The following UBR1 variants were observed in gnomAD, a reference collection of about 807,000 sequenced individuals.
The protein encoded by UBR1 is E3 ubiquitin-protein ligase UBR1.
UBR1 carries 102 observed loss-of-function variants against 242.1 expected under a neutral mutation model. That is an observed-to-expected ratio of 0.42 (90% confidence interval 0.36 to 0.50). The LOEUF is 0.50. UBR1 is among the 20% of genes least tolerant of loss of function. UBR1 has a pLI of 0.01. For missense variants in UBR1, 1,772 were observed against 2,101.8 expected (o/e 0.84, Z 3.07); for synonymous variants, 675 against 684.8 (o/e 0.99, Z 0.22).
At chr15:43,027,655 T>A (rs2033194985) in intron 22 of UBR1, 121 bp downstream of exon 22, 1 of 842,512 alleles carries the variant, frequency 1.2e-6, no homozygotes, top group African/African-American at 1.7e-5. Flanking sequence ...CTTTCTAATC[T>A]GTATTCCACT....
At chr15:43,030,128 TC>T in intron 20 of UBR1, 60 bp from the exon 21 acceptor site, 1 of 1,557,458 alleles carries the variant, frequency 6.4e-7, no homozygotes, top group Non-Finnish European at 8.7e-7. Flanking sequence ...TTTAAATCTC[TC>T]CCCATCAGAA....
intron 27 of UBR1, among the ~76,000 whole-genome samples, chr15:43,020,228 A>G (rs2033091690): frequency 6.6e-6 from 1 of 152,014 alleles, no homozygotes; most frequent in Non-Finnish European, 1.5e-5. Flanking sequence ...TTTAGCAGAG[A>G]TGAGGTTTCA....
chr15:43,011,948 C>T (rs1463755283), intron 29 of UBR1: 15 of 452,114 alleles, frequency 3.3e-5, no homozygotes, highest in African/African-American at 6.0e-5. Context: ...CATTATAGGC[C>T]GGGCACAGTG....
In UBR1 at chr15:42,950,255, A is replaced by C; in HGVS notation, c.5108+7T>G. 6.2e-7 allele frequency: 1 copy of C among 1,613,108 alleles called. No individual in the cohort carries two copies. ...GAAACCTTCCTATTATATAAAAAAA[A>C]TCTTACTTCAGGCCAGGGTCTGTTT... On this transcript the variant is annotated splice_region_variant and intron_variant, in intron 46 of 46. Coordinates refer to ENST00000290650, the MANE Select transcript of UBR1 (RefSeq NM_174916.3).
chr15:43,043,440 T>TAA (rs1567135099), intron 14 of UBR1, 45 bp from the exon 15 acceptor site: 1 of 1,595,036 alleles, frequency 6.3e-7, no homozygotes, highest in Non-Finnish European at 8.6e-7. Context: ...TTTTCTACTT[T>TAA]AACACTTTTT....
At chr15:43,010,217 C>T (rs927615960) in intron 29 of UBR1, among the ~76,000 whole-genome samples, 3 of 152,000 alleles carry the variant, frequency 2.0e-5, no homozygotes, top group Non-Finnish European at 4.4e-5. Flanking sequence ...TGTGGTACCA[C>T]CTCCTAGGAG....
intron 32 of UBR1, among the ~76,000 whole-genome samples, chr15:43,001,514 G>C (rs543797356): frequency 6.6e-6 from 1 of 152,240 alleles, no homozygotes; most frequent in East Asian, 1.9e-4. Context: ...GGGACATAAA[G>C]GTATTTTTAT....
intron 28 of UBR1, among the ~76,000 whole-genome samples, chr15:43,016,778 T>C (rs1279989244): frequency 1.3e-5 from 2 of 152,208 alleles, no homozygotes; most frequent in Non-Finnish European, 2.9e-5. Context: ...GGTTTGGCCA[T>C]GTTGGCCAGG....
At position 42,945,432 on chromosome 15, in the gene UBR1, C is replaced by T. The variant is rs767128461; in HGVS notation, c.5147G>A (p.Arg1716Gln). 29 of 1,613,826 alleles carry T rather than the reference C, an allele frequency of 1.8e-5. No homozygotes were observed. Among genetic ancestry groups the T allele is most frequent in the Middle Eastern group, 1.6e-4 (1 of 6,084 alleles). Residue 1716 changes from arginine to glutamine, a missense_variant, in exon 47 of 47, where the codon CGG (arginine) becomes CAG (glutamine). Around this residue, in one of 3 missense-constraint regions of UBR1, gnomAD observed 965 missense variants for 1,079.7 expected, o/e 0.89. Coordinates refer to ENST00000290650, the MANE Select transcript of UBR1 (RefSeq NM_174916.3). ...NPLHLSRERYRKLHLVWQQHC... is the reference protein window; with the variant it reads ...NPLHLSRERYQKLHLVWQQHC... ...TTGTTGCCAGACCAAATGGAGCTTCCGATACCGCTCACGAGATAAATGAAG... is the reference window on the plus strand; with the variant it reads ...TTGTTGCCAGACCAAATGGAGCTTCTGATACCGCTCACGAGATAAATGAAG...
chr15:43,015,607 C>T (rs1385496843), intron 29 of UBR1, 81 bp downstream of exon 29: 3 of 1,462,342 alleles, frequency 2.1e-6, no homozygotes, highest in Non-Finnish European at 2.8e-6. Flanking sequence ...CTGCCAAATC[C>T]CCCTCTCGGA....
chr15:43,001,433 C>T (rs2032723975), intron 32 of UBR1, among the ~76,000 whole-genome samples: 1 of 152,242 alleles, frequency 6.6e-6, no homozygotes, highest in African/African-American at 2.4e-5. Flanking sequence ...AGGTGTAAGC[C>T]ATGGCGTCCC....
At position 42,998,217 on chromosome 15, in the gene UBR1, T is replaced by C. The variant is rs2032669345; in HGVS notation, c.3708A>G (p.Ile1236Met). ...CTGATATTCTGGCCAGAACAGTCTG[T>C]ATCCACCGTGCCAGGGTCAAAAGTT... ...LAQLLTLARW[I>M]QTVLARISGY... Residue 1236 changes from isoleucine to methionine, a missense_variant, in exon 33 of 47, where the codon ATA becomes ATG. Coordinates refer to ENST00000290650, the MANE Select transcript of UBR1 (RefSeq NM_174916.3). The C allele has an allele frequency of 6.2e-7, 1 of 1,613,938 alleles. No homozygotes were observed. The highest frequency in any genetic ancestry group is 1.7e-5 in the Admixed American group (1 of 59,988).
intron 31 of UBR1, among the ~76,000 whole-genome samples, 164 bp downstream of exon 31, chr15:43,003,673 T>C (rs192490335): frequency 1.3e-5 from 2 of 152,360 alleles, no homozygotes; most frequent in African/African-American, 4.8e-5. Context: ...CTTTCCAACT[T>C]TGATAATAAT....
At chr15:42,966,983 G>A (rs927601801) in intron 40 of UBR1, among the ~76,000 whole-genome samples, 1 of 151,780 alleles carries the variant, frequency 6.6e-6, no homozygotes, top group African/African-American at 2.4e-5. Flanking sequence ...GCAGTGCTGC[G>A]ATCTGGGCTC....
intron 1 of UBR1, among the ~76,000 whole-genome samples, chr15:43,086,869 A>C (rs1345644751): frequency 6.6e-6 from 1 of 152,176 alleles, no homozygotes; most frequent in Non-Finnish European, 1.5e-5. Flanking sequence ...TAACTAGGCC[A>C]AAAGTGCTTT....
At chr15:43,010,164 G>A (rs574535616) in intron 29 of UBR1, among the ~76,000 whole-genome samples, 30 of 152,258 alleles carry the variant, frequency 2.0e-4, no homozygotes, top group African/African-American at 6.3e-4. Flanking sequence ...AAGCCACTGC[G>A]CCCGCCCTAC....
At chr15:43,078,920 GA>G (rs1404696231) in intron 3 of UBR1, among the ~76,000 whole-genome samples, 1 of 149,326 alleles carries the variant, frequency 6.7e-6, no homozygotes, top group African/African-American at 2.5e-5. Context: ...TTGAACTCAG[GA>G]AAAAAAAATA....
chr15:43,056,319 C>A (rs758732643), intron 11 of UBR1, 25 bp downstream of exon 11: 11 of 1,538,604 alleles, frequency 7.1e-6, no homozygotes, highest in Non-Finnish European at 1.8e-6. Context: ...CTTAGAAAGA[C>A]TGAAAAGGAA....
Position 43,078,932 on chromosome 15 carries a change from CAAG to C in UBR1, c.417+3703_417+3705del, listed in dbSNP as rs750907723. Among the ~76,000 whole-genome samples, 101 of 151,876 alleles carry C rather than the reference CAAG, an allele frequency of 6.7e-4. 1 individual carries two copies. The highest frequency in any genetic ancestry group is 1.0e-3 in the Admixed American group (16 of 15,278). ...TAATTGAACTCAGGAAAAAAAAATA[CAAG>C]AAGATGAGAAAATCATGCCAGAAAT... On this transcript the variant is annotated intron_variant, in intron 3 of 46. Coordinates refer to ENST00000290650, the MANE Select transcript of UBR1 (RefSeq NM_174916.3).
Sources: allele counts gnomAD v4.1 joint callset (sites outside exome capture counted in the v4.1 genomes callset), GRCh38; gene constraint gnomAD v4.1.1; regional missense constraint gnomAD v4.1.1; transcripts MANE v1.5; gene names NCBI Gene and HGNC (gene_info 2026-07-23, HGNC 2026-07-21).